TET2: variants seen among roughly 807,000 people sequenced by gnomAD.
The protein encoded by TET2 is methylcytosine dioxygenase TET2.
A neutral mutation model predicts 142.9 loss-of-function variants in TET2; 299 were observed. The observed-to-expected ratio is 2.09, with a 90% CI of 1.90 to 2.30. TET2 has a LOEUF of 2.30. TET2 is among the 30% of genes most tolerant of loss of function. The probability of loss-of-function intolerance (pLI) is 0.00; values close to 1 mark genes in which losing one functional copy is unlikely to be tolerated. For synonymous variants in TET2, 819 were observed against 849.0 expected (o/e 0.96, Z 0.61); for missense variants, 2,418 against 2,378.0 (o/e 1.02, Z -0.35).
intron 2 of TET2, among the ~76,000 whole-genome samples, chr4:105,214,636 C>T (rs990380014): frequency 6.6e-6 from 1 of 151,582 alleles, no homozygotes; most frequent in Non-Finnish European, 1.5e-5. Flanking sequence ...GTCTTAAAAC[C>T]CCAGAGAAGG....
intron 1 of TET2, among the ~76,000 whole-genome samples, chr4:105,153,657 G>A (rs1198942471): frequency 6.6e-6 from 1 of 152,174 alleles, no homozygotes; most frequent in Non-Finnish European, 1.5e-5. Flanking sequence ...ACTTCCTTAA[G>A]TTCATACAGC....
chr4:105,235,710 C>T lies in TET2; in HGVS notation c.1768C>T (p.Leu590Phe), dbSNP rs2110229721. The change falls in exon 3 of 11, where the codon CTT becomes TTT. Residue 590 changes from leucine (L) to phenylalanine (F), a missense_variant. Transcript: ENST00000380013. ...TAATGAGGCATCACTGCCATCAATT[C>T]TTCAGTATCAACCCAATCTCTCCAA... is the stretch of plus-strand genomic sequence containing the variant. ...KRNEASLPSI[L>F]QYQPNLSNQM... 6.2e-7 allele frequency: 1 copy of T among 1,614,132 alleles called. No individual in the cohort carries two copies. The highest frequency in any genetic ancestry group is 8.5e-7 in the Non-Finnish European group (1 of 1,180,012).
chr4:105,236,970 G>A lies in TET2; in HGVS notation c.3028G>A (p.Glu1010Lys), dbSNP rs1173700891. 34 of 1,613,986 alleles carry A rather than the reference G, an allele frequency of 2.1e-5. No individual in the cohort carries two copies. The highest frequency in any genetic ancestry group is 4.0e-5 in the African/African-American group (3 of 74,928). The change falls in exon 3 of 11, where the codon GAG becomes AAG. Residue 1010 changes from glutamate to lysine, a missense_variant. Glu to Lys is a moderately conservative substitution (Grantham distance 56). Coordinates refer to ENST00000380013, the MANE Select transcript of TET2 (RefSeq NM_001127208.3). ...NKTWKKVTKQ[E>K]NPPASCDNVQ... ...AACATGGAAAAAGGTAACTAAGCAA[G>A]AGAATCCACCTGCAAGCTGTGATAA...
chr4:105,240,939 A>C (rs1401928765), intron 3 of TET2: 1 of 1,081,898 alleles, frequency 9.2e-7, no homozygotes, highest in East Asian at 5.0e-5. Context: ...TTTTATTTTT[A>C]ATCTTTTAAA....
At chr4:105,192,967 G>C (rs112209908) in intron 2 of TET2, among the ~76,000 whole-genome samples, 1 of 152,146 alleles carries the variant, frequency 6.6e-6, no homozygotes, top group African/African-American at 2.4e-5. Flanking sequence ...GTGGAGAACA[G>C]CCAAAAGACC....
chr4:105,179,078 C>T (rs181958426), intron 1 of TET2, among the ~76,000 whole-genome samples: 190 of 152,246 alleles, frequency 1.2e-3, no homozygotes, highest in Non-Finnish European at 2.4e-3. Flanking sequence ...ATGAGAACAG[C>T]ATGGGGGCAA....
At chr4:105,150,539 A>G (rs1394636126) in intron 1 of TET2, among the ~76,000 whole-genome samples, 2 of 152,210 alleles carry the variant, frequency 1.3e-5, no homozygotes, top group African/African-American at 2.4e-5. Flanking sequence ...ACCATTGCAC[A>G]GTAGTTCTTA....
chr4:105,237,258 G>T lies in TET2; in HGVS notation c.3316G>T (p.Glu1106Ter). The stretch of plus-strand genomic sequence containing the variant: ...TGCTTCTGTTCTCAATAATTTTATA[G>T]AGTCACCTTCCAAATTACTAGATAC... ...TAASVLNNFI[E>*]SPSKLLDTPI... Residue 1106 changes from glutamate to a stop codon, truncating the protein, a stop_gained, in exon 3 of 11, where the codon GAG (glutamate) becomes TAG (stop). Transcript: ENST00000380013. LOFTEE classifies it high-confidence loss of function. 6.2e-7 allele frequency: 1 copy of T among 1,614,052 alleles called. No individual in the cohort carries two copies. The highest frequency in any genetic ancestry group is 8.5e-7 in the Non-Finnish European group (1 of 1,179,984).
chr4:105,218,542 T>A (rs1727629607), intron 2 of TET2, among the ~76,000 whole-genome samples: 1 of 152,138 alleles, frequency 6.6e-6, no homozygotes, highest in Non-Finnish European at 1.5e-5. Context: ...TAGATATTTA[T>A]CATTGCCAGT....
At chr4:105,243,861 C>A (rs1250680387) in intron 6 of TET2, 83 bp downstream of exon 6, 5 of 1,275,492 alleles carry the variant, frequency 3.9e-6, no homozygotes, top group Non-Finnish European at 5.5e-6. Context: ...GAGAGTTCAG[C>A]GTGCACTTTT....
intron 1 of TET2, among the ~76,000 whole-genome samples, chr4:105,166,689 C>T (rs918525418): frequency 3.0e-4 from 46 of 151,420 alleles, no homozygotes; most frequent in African/African-American, 1.0e-3. Context: ...TTATATTTTT[C>T]CTTATAGTAC....
At chr4:105,184,201 A>G (rs909247208) in intron 1 of TET2, among the ~76,000 whole-genome samples, 1 of 152,124 alleles carries the variant, frequency 6.6e-6, no homozygotes, top group Non-Finnish European at 1.5e-5. Context: ...CTTGGTTTTT[A>G]AAAATATCTA....
chr4:105,262,303 G>A (rs979152511), intron 8 of TET2, among the ~76,000 whole-genome samples: 3 of 152,160 alleles, frequency 2.0e-5, no homozygotes, highest in Admixed American at 6.6e-5. Context: ...CGGTCCAGAT[G>A]TGTCAGATTT....
chr4:105,212,760 C>T (rs1277721364), intron 2 of TET2, among the ~76,000 whole-genome samples: 1 of 152,064 alleles, frequency 6.6e-6, no homozygotes, highest in Non-Finnish European at 1.5e-5. Flanking sequence ...GAGGCTGAGG[C>T]GGGTGGATCA....
chr4:105,151,379 T>C (rs1439105659), intron 1 of TET2, among the ~76,000 whole-genome samples: 2 of 152,122 alleles, frequency 1.3e-5, no homozygotes, highest in African/African-American at 4.8e-5. Context: ...AGCTTTGATT[T>C]ATGTTTTCTT....
intron 1 of TET2, among the ~76,000 whole-genome samples, chr4:105,147,282 T>C (rs758586299): frequency 2.0e-5 from 3 of 152,250 alleles, no homozygotes; most frequent in Non-Finnish European, 2.9e-5. Flanking sequence ...CCTTTTTTAA[T>C]CCTCAGAAAA....
chr4:105,219,528 C>T (rs111923283), intron 2 of TET2, among the ~76,000 whole-genome samples: 250 of 152,182 alleles, frequency 1.6e-3, no homozygotes, highest in African/African-American at 5.8e-3. Context: ...AAATAAAATG[C>T]TAGGTATGTC....
At position 105,276,769 on chromosome 4, in the gene TET2, G is replaced by A; in HGVS notation, c.*250G>A. 2.5e-6 allele frequency: 1 copy of A among 403,528 alleles called. No homozygotes were observed. Among genetic ancestry groups the A allele is most frequent in the Non-Finnish European group, 4.5e-6 (1 of 224,636 alleles). 25.0% of individuals were successfully genotyped at this position (403,528 alleles called of 1,614,324 possible). A position where few individuals can be genotyped will look rare whatever the true frequency, so the allele number is the denominator to read the frequency against. The stretch of plus-strand genomic sequence containing the variant: ...TTCTATGCAAAAAGAAGGTGGGGAA[G>A]AAAGTGTTCCGCAATTTACATTTTT... On this transcript the variant is annotated 3_prime_UTR_variant, in exon 11 of 11. Transcript: ENST00000380013.
chr4:105,199,302 G>A (rs902090985), intron 2 of TET2, among the ~76,000 whole-genome samples: 6 of 152,052 alleles, frequency 3.9e-5, no homozygotes, highest in Non-Finnish European at 8.8e-5. Flanking sequence ...TTGCTTTTTT[G>A]ATAGTAAGAG....
Sources: allele counts gnomAD v4.1 joint callset (sites outside exome capture counted in the v4.1 genomes callset), GRCh38; gene constraint gnomAD v4.1.1; transcripts MANE v1.5; gene names NCBI Gene and HGNC (gene_info 2026-07-23, HGNC 2026-07-21).